Variants in SLC25A21 observed in about 807,000 individuals in gnomAD.
The protein encoded by SLC25A21 is mitochondrial 2-oxodicarboxylate carrier.
A neutral mutation model predicts 43.8 loss-of-function variants in SLC25A21; 47 were observed. The observed-to-expected ratio is 1.07, with a 90% CI of 0.85 to 1.37. The LOEUF is 1.37. Ranked by LOEUF, SLC25A21 falls within the 40% of genes most tolerant of loss-of-function variation. The pLI is 0.00. For missense variants in SLC25A21, 352 were observed against 350.2 expected, an observed-to-expected ratio of 1.00 and a Z score of -0.04; for synonymous variants, 131 against 121.3, an observed-to-expected ratio of 1.08 and a Z score of -0.52.
At chr14:37,132,277 G>T (rs1462716060) in intron 1 of SLC25A21, among the ~76,000 whole-genome samples, 1 of 152,082 alleles carries the variant, frequency 6.6e-6, no homozygotes, top group African/African-American at 2.4e-5. Flanking sequence ...TAGGAACTCT[G>T]GGGGGACACA....
intron 1 of SLC25A21, among the ~76,000 whole-genome samples, chr14:37,028,747 T>C (rs1294288070): frequency 6.6e-6 from 1 of 152,318 alleles, no homozygotes; most frequent in African/African-American, 2.4e-5. Context: ...TTTAATGCAC[T>C]TGGGTACATT....
intron 6 of SLC25A21, among the ~76,000 whole-genome samples, chr14:36,723,420 T>A (rs1884456385): frequency 1.3e-5 from 2 of 152,354 alleles, no homozygotes; most frequent in Middle Eastern, 3.4e-3. Flanking sequence ...AAAGTCACTT[T>A]TAAAATATTT....
chr14:37,027,503 T>C (rs549228238), intron 1 of SLC25A21, among the ~76,000 whole-genome samples: 1 of 152,288 alleles, frequency 6.6e-6, no homozygotes, highest in Admixed American at 6.5e-5. Flanking sequence ...GGGAAGGACC[T>C]AGATTTTATC....
intron 1 of SLC25A21, among the ~76,000 whole-genome samples, chr14:37,087,066 C>G (rs1217880923): frequency 6.6e-6 from 1 of 152,144 alleles, no homozygotes; most frequent in East Asian, 1.9e-4. Context: ...CCATGGCCCT[C>G]CTGCTAAGTT....
intron 3 of SLC25A21, among the ~76,000 whole-genome samples, chr14:36,785,282 G>A (rs1887206414): frequency 6.6e-6 from 1 of 152,142 alleles, no homozygotes; most frequent in Admixed American, 6.5e-5. Flanking sequence ...ATTCTATTTG[G>A]ATCTTGGGTT....
rs191842744 is a variant in SLC25A21, at chr14:36,888,942, A to T, written c.71-13938T>A. 5.4e-4 allele frequency among the ~76,000 whole-genome samples: 83 copies of T among 152,332 alleles called. No homozygotes were observed. In the East Asian group the frequency reaches 6.9e-3, roughly 13 times the overall value. On this transcript the variant is annotated intron_variant, in intron 1 of 9. Coordinates refer to ENST00000331299, the MANE Select transcript of SLC25A21 (RefSeq NM_030631.4). ...GACTTCTGACCATTAGCTTTCTTTAATATGTAGCCAAAATTGCTTGCGTTT... is the reference window on the plus strand; with the variant it reads ...GACTTCTGACCATTAGCTTTCTTTATTATGTAGCCAAAATTGCTTGCGTTT...
At chr14:36,718,253 G>A (rs1010494488) in intron 6 of SLC25A21, among the ~76,000 whole-genome samples, 2 of 152,168 alleles carry the variant, frequency 1.3e-5, no homozygotes, top group Admixed American at 6.5e-5. Context: ...CAACTTGGCT[G>A]CTGCTTTAGA....
At chr14:37,171,422 T>C (rs541644072) in intron 1 of SLC25A21, among the ~76,000 whole-genome samples, 1 of 21,892 alleles carries the variant, frequency 4.6e-5, no homozygotes, top group South Asian at 3.5e-3. Flanking sequence ...ACAGGATTTA[T>C]TAGAGTTACT....
At chr14:37,171,652 A>C (rs961914441) in intron 1 of SLC25A21, among the ~76,000 whole-genome samples, 14 of 152,216 alleles carry the variant, frequency 9.2e-5, no homozygotes, top group Non-Finnish European at 1.5e-4. Flanking sequence ...AGTATTTCTA[A>C]GATTAATTAC....
At chr14:37,126,136 T>A (rs1963293411) in intron 1 of SLC25A21, among the ~76,000 whole-genome samples, 1 of 152,170 alleles carries the variant, frequency 6.6e-6, no homozygotes, top group South Asian at 2.1e-4. Flanking sequence ...TAGCTTTCCT[T>A]CCTGCACATG....
intron 1 of SLC25A21, among the ~76,000 whole-genome samples, chr14:37,136,478 T>C (rs961916711): frequency 3.9e-5 from 6 of 152,194 alleles, no homozygotes; most frequent in African/African-American, 1.4e-4. Context: ...GCCAGAGATG[T>C]TGTTATAATT....
At chr14:36,695,162 T>C (rs909564121) in intron 7 of SLC25A21, among the ~76,000 whole-genome samples, 2 of 152,208 alleles carry the variant, frequency 1.3e-5, no homozygotes, top group African/African-American at 4.8e-5. Flanking sequence ...ATTTATTAAA[T>C]AGGGAATCCT....
chr14:37,076,700 C>T (rs983372593), intron 1 of SLC25A21, among the ~76,000 whole-genome samples: 2 of 150,770 alleles, frequency 1.3e-5, no homozygotes, highest in Non-Finnish European at 3.0e-5. Context: ...GTTGGCCAGG[C>T]CTCGAACTCC....
intron 2 of SLC25A21, among the ~76,000 whole-genome samples, chr14:36,854,541 T>C (rs1319552193): frequency 2.0e-5 from 3 of 152,200 alleles, no homozygotes; most frequent in Middle Eastern, 3.2e-3. Context: ...CATGGGCTTG[T>C]TAGAAAGATT....
intron 1 of SLC25A21, among the ~76,000 whole-genome samples, chr14:37,086,798 T>C (rs1020575527): frequency 6.6e-6 from 1 of 152,154 alleles, no homozygotes; most frequent in Non-Finnish European, 1.5e-5. Context: ...GTGCCAGCCA[T>C]TGTTTTTGAG....
intron 3 of SLC25A21, among the ~76,000 whole-genome samples, chr14:36,804,124 T>C (rs955348662): frequency 4.6e-5 from 7 of 152,222 alleles, no homozygotes; most frequent in African/African-American, 1.2e-4. Flanking sequence ...TGAGTATTGA[T>C]ATCAAGATCA....
At chr14:36,850,285 AG>A (rs1473677064) in intron 2 of SLC25A21, among the ~76,000 whole-genome samples, 1 of 152,208 alleles carries the variant, frequency 6.6e-6, no homozygotes, top group Middle Eastern at 3.2e-3. Context: ...CAGAAGTTGC[AG>A]GGCACTTTAC....
intron 3 of SLC25A21, among the ~76,000 whole-genome samples, chr14:36,803,178 C>T (rs1272391105): frequency 1.3e-5 from 2 of 152,142 alleles, no homozygotes. Context: ...AGGTCTGTGG[C>T]AGGCTCTGGG....
intron 1 of SLC25A21, among the ~76,000 whole-genome samples, chr14:37,089,132 C>T (rs1299511036): frequency 1.3e-5 from 2 of 152,034 alleles, no homozygotes; most frequent in African/African-American, 2.4e-5. Context: ...CAAATTTATA[C>T]CATCTCTTCC....
Sources: allele counts gnomAD v4.1 joint callset (sites outside exome capture counted in the v4.1 genomes callset), GRCh38; gene constraint gnomAD v4.1.1; transcripts MANE v1.5; gene names NCBI Gene and HGNC (gene_info 2026-07-23, HGNC 2026-07-21).